The following EML5 variants were observed in gnomAD, a reference collection of about 807,000 sequenced individuals.
EML5 encodes the protein echinoderm microtubule-associated protein-like 5.
Under a neutral mutation model 250.0 loss-of-function variants are expected in EML5, and 120 were observed. That is an observed-to-expected ratio of 0.48 (90% CI 0.41 to 0.56). EML5 has a LOEUF of 0.56. Among genes scored for constraint, EML5 ranks in the 20% least tolerant of loss-of-function variants. EML5 has a pLI of 0.00. For missense variants in EML5, 2,006 were observed against 2,437.6 expected, an observed-to-expected ratio of 0.82 and a Z score of 3.73; for synonymous variants, 771 against 806.5, an observed-to-expected ratio of 0.96 and a Z score of 0.75.
At chr14:88,618,185 C>T (rs199662255) in intron 41 of EML5, 43 bp downstream of exon 41, 1 of 1,537,022 alleles carries the variant, frequency 6.5e-7, no homozygotes, top group East Asian at 2.3e-5. Flanking sequence ...TTCTAACTGG[C>T]CTTCAAAGTC....
At chr14:88,777,964 C>A (rs950836937) in intron 1 of EML5, among the ~76,000 whole-genome samples, 4 of 152,226 alleles carry the variant, frequency 2.6e-5, no homozygotes, top group East Asian at 1.9e-4. Context: ...AAAAGAGTGA[C>A]ATCCTGTCTC....
intron 28 of EML5, 99 bp from the exon 29 acceptor site, chr14:88,647,054 T>A: frequency 8.7e-7 from 1 of 1,147,670 alleles, no homozygotes; most frequent in Non-Finnish European, 1.2e-6. Flanking sequence ...TTAACAAGTT[T>A]AATGCAGACA....
intron 30 of EML5, 32 bp from the exon 31 acceptor site, chr14:88,643,054 TTCC>T: frequency 2.0e-6 from 3 of 1,538,362 alleles, no homozygotes; most frequent in African/African-American, 1.4e-5. Flanking sequence ...CATTATATTC[TTCC>T]TCATGTATAA....
intron 35 of EML5, chr14:88,625,463 G>A (rs1427780493): frequency 1.1e-5 from 2 of 182,124 alleles, no homozygotes; most frequent in African/African-American, 4.8e-5. Context: ...GTGCAATGGT[G>A]CGATCTCAGC....
intron 1 of EML5, among the ~76,000 whole-genome samples, chr14:88,772,993 C>G (rs1480982853): frequency 5.9e-5 from 9 of 152,160 alleles, no homozygotes; most frequent in African/African-American, 2.2e-4. Flanking sequence ...CTAGTCATCC[C>G]AACATATTCT....
chr14:88,634,741 TATA>T (rs1252811781), intron 32 of EML5, among the ~76,000 whole-genome samples: 1 of 152,164 alleles, frequency 6.6e-6, no homozygotes, highest in Non-Finnish European at 1.5e-5. Context: ...AACTTTTAAT[TATA>T]ATAACTTTTA....
intron 14 of EML5, 24 bp from the exon 15 acceptor site, chr14:88,696,976 T>C (rs545441115): frequency 6.0e-5 from 82 of 1,361,002 alleles, no homozygotes; most frequent in East Asian, 1.8e-4. Flanking sequence ...ATAGAAGCTA[T>C]TAAATACAAT....
rs545397071 is a variant in EML5, at chr14:88,656,161, T to C, written c.4004+1215A>G. On this transcript the variant is annotated intron_variant, in intron 27 of 43. Coordinates refer to ENST00000554922, the MANE Select transcript of EML5 (RefSeq NM_183387.3). Reference sequence around the variant, plus strand: ...TAAATCATTCTACTATAAAGACACATGCACATGTATATTTATTACAGCACT... The same window carrying C: ...TAAATCATTCTACTATAAAGACACACGCACATGTATATTTATTACAGCACT... 4.6e-5 allele frequency among the ~76,000 whole-genome samples: 7 copies of C among 152,338 alleles called. No homozygotes were observed. In the East Asian group the frequency reaches 5.8e-4, roughly 13 times the overall value.
chr14:88,765,399 C>T (rs1460252884), intron 1 of EML5, among the ~76,000 whole-genome samples: 1 of 152,152 alleles, frequency 6.6e-6, no homozygotes, highest in East Asian at 1.9e-4. Flanking sequence ...GAACTGCTCA[C>T]CTCCTCAAGG....
chr14:88,638,137 T>C (rs1346836900), intron 32 of EML5, among the ~76,000 whole-genome samples: 1 of 152,234 alleles, frequency 6.6e-6, no homozygotes, highest in Non-Finnish European at 1.5e-5. Context: ...TACAAACGTA[T>C]TGAAGTTTAT....
intron 7 of EML5, among the ~76,000 whole-genome samples, chr14:88,727,389 G>A (rs1180319470): frequency 6.7e-6 from 1 of 148,608 alleles, no homozygotes; most frequent in Non-Finnish European, 1.5e-5. Flanking sequence ...CATCTGTAGT[G>A]TGATACACTG....
chr14:88,737,685 T>C (rs2093865036), intron 6 of EML5, among the ~76,000 whole-genome samples: 1 of 152,258 alleles, frequency 6.6e-6, no homozygotes, highest in Non-Finnish European at 1.5e-5. Context: ...TTTTCTTCAA[T>C]TGTCCATGTT....
Position 88,615,797 on chromosome 14 carries a change from C to A in EML5, c.*21G>T. The A allele has an allele frequency of 6.2e-7, 1 of 1,607,638 alleles. No individual in the cohort carries two copies. The highest frequency in any genetic ancestry group is 1.1e-5 in the South Asian group (1 of 89,122). ...GTAATTCTGGTCTCAAAGTTAATTT[C>A]TGTAGTCATCTCAGCATCTCTCAGT... On this transcript the variant is annotated 3_prime_UTR_variant, in exon 44 of 44. Coordinates refer to ENST00000554922, the MANE Select transcript of EML5 (RefSeq NM_183387.3).
intron 3 of EML5, among the ~76,000 whole-genome samples, chr14:88,745,028 A>T (rs533800456): frequency 1.3e-5 from 2 of 152,288 alleles, no homozygotes; most frequent in South Asian, 4.1e-4. Flanking sequence ...CTCCATTGAC[A>T]GTGTCATATT....
intron 37 of EML5, chr14:88,621,625 T>C (rs2088959962): frequency 1.1e-5 from 4 of 354,832 alleles, no homozygotes; most frequent in Non-Finnish European, 2.1e-5. Flanking sequence ...CAGTGGGATA[T>C]AGGAAAAAAT....
chr14:88,626,741 C>G, intron 35 of EML5, 97 bp downstream of exon 35: 2 of 1,213,236 alleles, frequency 1.6e-6, no homozygotes, highest in African/African-American at 1.5e-5. Flanking sequence ...ATTAGCAGAT[C>G]ACAGTATCAT....
At chr14:88,667,216 G>A (rs2092331848) in intron 21 of EML5, among the ~76,000 whole-genome samples, 1 of 152,100 alleles carries the variant, frequency 6.6e-6, no homozygotes, top group East Asian at 1.9e-4. Context: ...TCCTTTTCAG[G>A]AGCTGCATAT....
At chr14:88,700,872 C>A (rs1181741871) in intron 14 of EML5, among the ~76,000 whole-genome samples, 1 of 152,172 alleles carries the variant, frequency 6.6e-6, no homozygotes, top group Non-Finnish European at 1.5e-5. Flanking sequence ...TACCTACCCT[C>A]CTGATTAGTT....
chr14:88,656,409 T>G (rs146230095), intron 27 of EML5, among the ~76,000 whole-genome samples: 1 of 151,612 alleles, frequency 6.6e-6, no homozygotes, highest in African/African-American at 2.4e-5. Flanking sequence ...TAAGTGGGAG[T>G]TGAACAATGA....
Sources: gnomAD v4.1 joint callset for allele counts (sites outside exome capture counted in the v4.1 genomes callset) on GRCh38, gnomAD v4.1.1 for gene constraint, MANE v1.5 for transcripts, NCBI Gene and HGNC (gene_info 2026-07-23, HGNC 2026-07-21) for gene names.